ARMC2: variants seen among roughly 807,000 people sequenced by gnomAD.
The protein encoded by ARMC2 is armadillo repeat containing 2, also known as armadillo repeat-containing protein 2.
Under a neutral mutation model 90.3 loss-of-function variants are expected in ARMC2, and 67 were observed. The ratio of observed to expected loss-of-function variants is 0.74; its 90% CI spans 0.61 to 0.91. The LOEUF is 0.91. Among genes scored for constraint, ARMC2 ranks in the 40% least tolerant of loss-of-function variants. The pLI is 0.00. For missense variants in ARMC2, 920 were observed against 1,030.9 expected, an observed-to-expected ratio of 0.89 and a Z score of 1.47; for synonymous variants, 393 against 393.0, an observed-to-expected ratio of 1.00 and a Z score of 0.00.
rs759263111 is a variant in ARMC2, at chr6:108,876,269, A to C, written c.590A>C (p.Asp197Ala). 6.2e-7 allele frequency: 1 copy of C among 1,613,022 alleles called. No individual in the cohort carries two copies. Among genetic ancestry groups the C allele is most frequent in the Non-Finnish European group, 8.5e-7 (1 of 1,179,630 alleles). Residue 197 changes from aspartate to alanine, a missense_variant, in exon 5 of 18, where the codon GAT becomes GCT. Transcript: ENST00000392644. ...AAGAGTCACCCACTTCAGCTAACTG[A>C]TGATGGAGGCTTCAGTGAAATAAAG... ...HLKSHPLQLT[D>A]DGGFSEIKEQ...
intron 17 of ARMC2, among the ~76,000 whole-genome samples, chr6:108,972,853 T>TC (rs1010413090): frequency 1.3e-5 from 2 of 151,808 alleles, no homozygotes; most frequent in Admixed American, 6.6e-5. Flanking sequence ...TTTTTTTTTT[T>TC]TCTGAGCTGT....
the ARMC2 span, among the ~76,000 whole-genome samples, chr6:109,041,159 A>G: frequency 6.6e-6 from 1 of 151,022 alleles, no homozygotes; most frequent in Non-Finnish European, 1.5e-5. Flanking sequence ...AAAACAAACC[A>G]AAACTAGCCA....
At position 108,864,997 on chromosome 6, in the gene ARMC2, A is replaced by ATTTTTTTTT. The variant is rs36025894; in HGVS notation, c.292-3816_292-3808dup. Among the ~76,000 whole-genome samples the ATTTTTTTTT allele has an allele frequency of 2.5e-3, 338 of 132,774 alleles. 2 individuals are homozygous for ATTTTTTTTT. Among genetic ancestry groups the ATTTTTTTTT allele is most frequent in the African/African-American group, 8.9e-3 (314 of 35,180 alleles). 87.1% of individuals were successfully genotyped at this position (132,774 alleles called of 152,430 possible). A position where few individuals can be genotyped will look rare whatever the true frequency, so the allele number is the denominator to read the frequency against. The stretch of plus-strand genomic sequence containing the variant: ...TGAGGTAGTTAATATTCTCAAGTGA[A>ATTTTTTTTT]TTTTTTTTTTTTTTTTTTTGAGACA... On this transcript the variant is annotated intron_variant, in intron 3 of 17. Transcript: ENST00000392644.
In ARMC2 at chr6:108,905,020, T is replaced by C. The variant is rs542269998; in HGVS notation, c.1023+615T>C. ...GTCTCAAACAAAATGATATCACTGT[T>C]TGAGGGGAGCACTTTGTTGTCACAG... On this transcript the variant is annotated intron_variant, in intron 8 of 17. Coordinates refer to ENST00000392644, the MANE Select transcript of ARMC2 (RefSeq NM_032131.6). 2.6e-5 allele frequency among the ~76,000 whole-genome samples: 4 copies of C among 152,258 alleles called. No individual in the cohort carries two copies. In the East Asian group the frequency reaches 7.7e-4, roughly 29 times the overall value.
intron 11 of ARMC2, among the ~76,000 whole-genome samples, chr6:108,930,885 G>A (rs1775505273): frequency 2.7e-5 from 4 of 149,962 alleles, no homozygotes; most frequent in Admixed American, 2.7e-4. Flanking sequence ...GTGAGCCACC[G>A]CACCCGGCCC....
intron 12 of ARMC2, among the ~76,000 whole-genome samples, chr6:108,943,636 TG>T (rs1776607753): frequency 6.6e-6 from 1 of 151,712 alleles, no homozygotes; most frequent in Admixed American, 6.6e-5. Context: ...CTGGGCAACA[TG>T]GTAAAACTCT....
chr6:109,012,177 C>G, the ARMC2 span, among the ~76,000 whole-genome samples: 1 of 151,912 alleles, frequency 6.6e-6, no homozygotes, highest in Non-Finnish European at 1.5e-5. Context: ...ATATTTACCA[C>G]AGGTTGTCAG....
At chr6:108,993,196 T>C in the ARMC2 span, among the ~76,000 whole-genome samples, 1 of 152,204 alleles carries the variant, frequency 6.6e-6, no homozygotes, top group Non-Finnish European at 1.5e-5. Flanking sequence ...GTTCGACTTA[T>C]TCAAAGTATG....
intron 2 of ARMC2, among the ~76,000 whole-genome samples, chr6:108,855,997 C>A (rs142159784): frequency 2.2e-4 from 34 of 152,234 alleles, no homozygotes; most frequent in Non-Finnish European, 2.9e-5. Flanking sequence ...TCCTGCTCTG[C>A]AGCTTTTCTT....
At chr6:108,958,436 A>G (rs74946864) in intron 13 of ARMC2, among the ~76,000 whole-genome samples, 1,772 of 152,288 alleles carry the variant, frequency 0.012, 29 homozygotes, top group African/African-American at 0.04. Flanking sequence ...GCTGTTTATG[A>G]TAAATGCTTA....
the ARMC2 span, among the ~76,000 whole-genome samples, chr6:109,025,614 G>A: frequency 6.7e-6 from 1 of 150,188 alleles, no homozygotes; most frequent in Non-Finnish European, 1.5e-5. Flanking sequence ...AGAAAGTATG[G>A]GTGAGAAACA....
Position 108,920,448 on chromosome 6 carries a change from C to T in ARMC2, c.1351-7640C>T, listed in dbSNP as rs77812077. ...TGCCAGCAGCATAACTAACCACTCA[C>T]GTGCCCAGTTGCCACGAGAGAGTAG... is the stretch of plus-strand genomic sequence containing the variant. On this transcript the variant is annotated intron_variant, in intron 10 of 17. Coordinates refer to ENST00000392644, the MANE Select transcript of ARMC2 (RefSeq NM_032131.6). Among the ~76,000 whole-genome samples the T allele has an allele frequency of 1.2e-3, 186 of 152,322 alleles. 3 individuals carry two copies. The East Asian group carries it at 0.033, about 27-fold the overall frequency.
chr6:108,907,477 T>TTTTTA (rs58992504), intron 8 of ARMC2: 67 of 348,508 alleles, frequency 1.9e-4, no homozygotes, highest in South Asian at 6.3e-4. Flanking sequence ...TTTTTTTTTT[T>TTTTTA]ACCAGTCATC....
At chr6:109,000,601 G>C in the ARMC2 span, 1 of 1,611,694 alleles carries the variant, frequency 6.2e-7, no homozygotes, top group Non-Finnish European at 8.5e-7. Context: ...AGCCACTTGG[G>C]GTCCCCACCA....
Position 108,899,710 on chromosome 6 carries a change from G to T in ARMC2, c.765G>T (p.Leu255=), listed in dbSNP as rs1274381262. 4.3e-6 allele frequency: 7 copies of T among 1,613,488 alleles called. No homozygotes were observed. The highest frequency in any genetic ancestry group is 5.1e-6 in the Non-Finnish European group (6 of 1,179,702). The change falls in exon 7 of 18, where the codon CTG becomes CTT. Residue 255 remains leucine, a synonymous_variant. Transcript: ENST00000392644. The stretch of plus-strand genomic sequence containing the variant: ...CTTTTGCAGTCCCAAAAGCTGACCT[G>T]CAAGAAGAGGACGCAGAAATAGAAG... The part of the protein sequence containing the change: ...LQTKAVPKAD[L]QEEDAEIEVD...
intron 10 of ARMC2, 47 bp from the exon 11 acceptor site, chr6:108,928,041 T>A: frequency 6.5e-7 from 1 of 1,546,930 alleles, no homozygotes; most frequent in Non-Finnish European, 8.7e-7. Context: ...CGTGTGGTTA[T>A]ATTTTTTCAG....
intron 17 of ARMC2, among the ~76,000 whole-genome samples, chr6:108,965,660 C>G (rs1778312912): frequency 1.3e-5 from 2 of 151,888 alleles, no homozygotes; most frequent in Admixed American, 6.6e-5. Flanking sequence ...TCTTTCTTTT[C>G]TTGGGACAGG....
the ARMC2 span, among the ~76,000 whole-genome samples, chr6:109,005,001 G>A: frequency 6.6e-6 from 1 of 152,166 alleles, no homozygotes; most frequent in Non-Finnish European, 1.5e-5. Flanking sequence ...ACAACCGCTA[G>A]GAAGGGCAAT....
At chr6:109,007,125 T>C in the ARMC2 span, among the ~76,000 whole-genome samples, 1 of 152,190 alleles carries the variant, frequency 6.6e-6, no homozygotes, top group African/African-American at 2.4e-5. Context: ...GTTTCCACCA[T>C]CACAATATTA....
Sources: gnomAD v4.1 joint callset for allele counts (sites outside exome capture counted in the v4.1 genomes callset) on GRCh38, gnomAD v4.1.1 for gene constraint, MANE v1.5 for transcripts, NCBI Gene and HGNC (gene_info 2026-07-23, HGNC 2026-07-21) for gene names.